Variants in LRRC40 observed in about 807,000 individuals in gnomAD.
The protein encoded by LRRC40 is leucine-rich repeat-containing protein 40.
In LRRC40, 76 loss-of-function variants were observed where a neutral mutation model predicts 72.8. The observed-to-expected ratio is 1.04, with a 90% CI of 0.87 to 1.26. The LOEUF (loss-of-function observed/expected upper bound fraction) is 1.26. LRRC40 is among the 50% of genes most tolerant of loss of function. LRRC40 has a pLI of 0.00. For missense variants in LRRC40, 684 were observed against 698.9 expected, an observed-to-expected ratio of 0.98 and a Z score of 0.24; for synonymous variants, 243 against 254.2, an observed-to-expected ratio of 0.96 and a Z score of 0.42.
intron 9 of LRRC40, among the ~76,000 whole-genome samples, chr1:70,162,758 G>T (rs925068399): frequency 6.6e-5 from 10 of 152,138 alleles, no homozygotes; most frequent in African/African-American, 2.4e-4. Flanking sequence ...ATAAACTATG[G>T]CCAGGTCTAT....
At chr1:70,152,126 GAA>G (rs1667513405) in intron 12 of LRRC40, among the ~76,000 whole-genome samples, 1 of 151,886 alleles carries the variant, frequency 6.6e-6, no homozygotes, top group African/African-American at 2.4e-5. Context: ...TAAACAATGT[GAA>G]AAAAATACTT....
chr1:70,148,925 A>G (rs918672416), intron 13 of LRRC40, among the ~76,000 whole-genome samples: 3 of 152,222 alleles, frequency 2.0e-5, no homozygotes, highest in Non-Finnish European at 4.4e-5. Context: ...AAAACTTCAG[A>G]GTAAATTCTC....
intron 1 of LRRC40, among the ~76,000 whole-genome samples, chr1:70,192,315 T>C (rs1668519203): frequency 6.6e-6 from 1 of 152,044 alleles, no homozygotes; most frequent in South Asian, 2.1e-4. Context: ...TGTACATTGA[T>C]TTTGTATCCT....
chr1:70,178,332 T>C (rs1303072540), intron 6 of LRRC40, among the ~76,000 whole-genome samples: 2 of 152,258 alleles, frequency 1.3e-5, no homozygotes, highest in African/African-American at 4.8e-5. Context: ...TTTCAGTTCA[T>C]TTTATATATC....
intron 1 of LRRC40, among the ~76,000 whole-genome samples, chr1:70,193,221 T>C (rs1010540083): frequency 4.6e-5 from 7 of 151,798 alleles, no homozygotes; most frequent in Admixed American, 1.3e-4. Flanking sequence ...TTAAAAAGAC[T>C]AATAAATTGA....
intron 10 of LRRC40, among the ~76,000 whole-genome samples, chr1:70,158,566 A>G (rs1340589291): frequency 6.6e-6 from 1 of 152,098 alleles, no homozygotes; most frequent in African/African-American, 2.4e-5. Context: ...TTCTTTTCCC[A>G]ATTTCATATA....
chr1:70,175,490 A>G (rs1161909205), intron 7 of LRRC40, among the ~76,000 whole-genome samples: 1 of 152,180 alleles, frequency 6.6e-6, no homozygotes. Context: ...CTTTTAAAGT[A>G]AATTCATTCC....
chr1:70,155,689 CT>C lies in LRRC40; in HGVS notation c.1327del (p.Arg443GlyfsTer3), dbSNP rs1286847604. On this transcript the variant is annotated frameshift_variant and splice_region_variant, in exon 11 of 15. Transcript: ENST00000370952. LOFTEE classifies it high-confidence loss of function. ...ATAGACATGGCATCATAGTTCTTAC[CT>C]TTTTGGAATTTCACATAGTTGATTC... ...SKNQLCEIPK[R>X]MVELKEMVSD... 6 of 1,485,888 alleles carry C rather than the reference CT, an allele frequency of 4.0e-6. No homozygotes were observed. The highest frequency in any genetic ancestry group is 1.3e-5 in the South Asian group (1 of 75,550). The allele number at this position is 1,485,888 out of a possible 1,614,324, so 92.0% of individuals were successfully genotyped here. A position where few individuals can be genotyped will look rare whatever the true frequency, so the allele number is the denominator to read the frequency against.
Position 70,205,399 on chromosome 1 carries a change from G to C in LRRC40, c.142C>G (p.Leu48Val). 1 of 1,593,036 alleles carries C rather than the reference G, an allele frequency of 6.3e-7. No homozygotes were observed. The highest frequency in any genetic ancestry group is 1.1e-5 in the South Asian group (1 of 89,028). ...SGQLNLSGRN[L>V]SEVPQCVWRI... ...TACCTCTGGGTCTTACCTTCACTGAGGTTTCTACCCGACAGGTTTAACTGG... is the reference window on the plus strand; with the variant it reads ...TACCTCTGGGTCTTACCTTCACTGACGTTTCTACCCGACAGGTTTAACTGG... The change falls in exon 1 of 15, where the codon CTC becomes GTC. Residue 48 changes from leucine (L) to valine (V), a missense_variant. Physicochemically the swap from Leu to Val is conservative, Grantham distance 32. Transcript: ENST00000370952.
intron 14 of LRRC40, 109 bp downstream of exon 14, chr1:70,148,378 A>G: frequency 1.1e-6 from 1 of 882,686 alleles, no homozygotes; most frequent in Non-Finnish European, 1.7e-6. Flanking sequence ...TTAACAGGAT[A>G]TTAAATCTGT....
intron 3 of LRRC40, among the ~76,000 whole-genome samples, chr1:70,185,562 T>C (rs1668342661): frequency 6.6e-6 from 1 of 152,166 alleles, no homozygotes; most frequent in East Asian, 1.9e-4. Context: ...TTCTTCCCAG[T>C]CTCGGGTATG....
chr1:70,170,635 C>T lies in LRRC40; in HGVS notation c.1111+2830G>A, dbSNP rs148728513. ...AAGAAAACAATTATATGCCTAATAG[C>T]ATCAAAAGGAATAAAATGCTTAGAA... On this transcript the variant is annotated intron_variant, in intron 9 of 14. Coordinates refer to ENST00000370952, the MANE Select transcript of LRRC40 (RefSeq NM_017768.5). Among the ~76,000 whole-genome samples the T allele has an allele frequency of 2.6e-4, 39 of 152,094 alleles. No homozygotes were observed. In the East Asian group the frequency reaches 7.3e-3, roughly 29 times the overall value.
intron 1 of LRRC40, among the ~76,000 whole-genome samples, chr1:70,194,220 A>T (rs573657310): frequency 1.3e-5 from 2 of 152,230 alleles, no homozygotes; most frequent in African/African-American, 4.8e-5. Flanking sequence ...CAAAAAAATT[A>T]TATGCAATCA....
intron 9 of LRRC40, among the ~76,000 whole-genome samples, chr1:70,163,431 A>G (rs1240855050): frequency 1.3e-5 from 2 of 151,896 alleles, no homozygotes; most frequent in Non-Finnish European, 1.5e-5. Flanking sequence ...GCCCTTTCCA[A>G]CTTCTAGTAG....
At chr1:70,185,402 T>C (rs995476743) in intron 3 of LRRC40, among the ~76,000 whole-genome samples, 1 of 152,178 alleles carries the variant, frequency 6.6e-6, no homozygotes, top group Non-Finnish European at 1.5e-5. Context: ...ATAAGTCTCA[T>C]GAGTCCTGAT....
At chr1:70,193,723 T>G (rs1668550294) in intron 1 of LRRC40, among the ~76,000 whole-genome samples, 1 of 151,984 alleles carries the variant, frequency 6.6e-6, no homozygotes, top group Non-Finnish European at 1.5e-5. Flanking sequence ...TGAACAAATT[T>G]TGCAACTCTA....
intron 9 of LRRC40, among the ~76,000 whole-genome samples, chr1:70,161,548 CA>C (rs59986416): frequency 0.23 from 27,091 of 117,938 alleles, 2,570 homozygotes; most frequent in East Asian, 0.41. Flanking sequence ...GGCTCCCTCT[CA>C]AAAAAAAAAA....
At chr1:70,174,501 A>T (rs182384066) in intron 7 of LRRC40, among the ~76,000 whole-genome samples, 217 of 152,246 alleles carry the variant, frequency 1.4e-3, no homozygotes, top group Non-Finnish European at 2.4e-3. Flanking sequence ...GATGTTTACA[A>T]TAGCAAAAAA....
At chr1:70,181,276 AAGGATTTCAAATTTTTGAAG>A (rs1351759458) in intron 4 of LRRC40, 67 bp from the exon 5 acceptor site, 19 of 1,006,082 alleles carry the variant, frequency 1.9e-5, no homozygotes, top group Non-Finnish European at 2.4e-5. Flanking sequence ...ATGCCCTAAA[AAGGATTTCAAATTTTTGAAG>A]GAATTACAAC....
Sources: allele counts gnomAD v4.1 joint callset (sites outside exome capture counted in the v4.1 genomes callset), GRCh38; gene constraint gnomAD v4.1.1; transcripts MANE v1.5; gene names NCBI Gene and HGNC (gene_info 2026-07-23, HGNC 2026-07-21).